KIAA0825: variants seen among roughly 807,000 people sequenced by gnomAD.
The protein encoded by KIAA0825 is uncharacterized protein KIAA0825.
In KIAA0825, 119 loss-of-function variants were observed where a neutral mutation model predicts 147.6. That is an observed-to-expected ratio of 0.81 (90% CI 0.69 to 0.94). The LOEUF (loss-of-function observed/expected upper bound fraction) is 0.94, where lower values mean the gene tolerates loss of function less well. KIAA0825 is among the 40% of genes least tolerant of loss of function. The probability of loss-of-function intolerance (pLI) is 0.00; values close to 1 mark genes in which losing one functional copy is unlikely to be tolerated. For synonymous variants in KIAA0825, 470 were observed against 518.1 expected (o/e 0.91, Z 1.26); for missense variants, 1,381 against 1,472.7 (o/e 0.94, Z 1.02).
chr5:94,569,544 C>A, intron 2 of KIAA0825: 1 of 409,574 alleles, frequency 2.4e-6, no homozygotes. Flanking sequence ...ACACTAATGA[C>A]CCCAACACGC....
At chr5:94,315,267 G>C (rs1220232828) in intron 20 of KIAA0825, among the ~76,000 whole-genome samples, 2 of 151,568 alleles carry the variant, frequency 1.3e-5, no homozygotes, top group Non-Finnish European at 3.0e-5. Context: ...AATGACTTTT[G>C]TTCTTAGGAT....
At chr5:94,497,404 T>C (rs1209850910) in intron 5 of KIAA0825, among the ~76,000 whole-genome samples, 2 of 152,184 alleles carry the variant, frequency 1.3e-5, no homozygotes, top group Non-Finnish European at 2.9e-5. Flanking sequence ...AATAATTATA[T>C]AATGCTTACT....
At chr5:94,546,071 A>G (rs1051822089) in intron 2 of KIAA0825, among the ~76,000 whole-genome samples, 2 of 152,174 alleles carry the variant, frequency 1.3e-5, no homozygotes, top group Non-Finnish European at 2.9e-5. Context: ...CATTGGCTGT[A>G]GCCTGGCAAT....
chr5:94,581,176 A>G (rs73132683), intron 2 of KIAA0825, among the ~76,000 whole-genome samples: 11,606 of 152,238 alleles, frequency 0.076, 488 homozygotes, highest in South Asian at 0.11. Flanking sequence ...AGGTGATAAC[A>G]CCAACAAGAT....
chr5:94,617,928 G>C (rs1791008818), intron 1 of KIAA0825: 1 of 152,184 alleles, frequency 6.6e-6, no homozygotes, highest in South Asian at 2.1e-4. Flanking sequence ...TAATGCCCAA[G>C]CATGAAATTA....
chr5:94,191,455 T>C (rs1243320941), intron 20 of KIAA0825, among the ~76,000 whole-genome samples: 1 of 152,150 alleles, frequency 6.6e-6, no homozygotes, highest in African/African-American at 2.4e-5. Flanking sequence ...GAAAGGTAAA[T>C]TATAAAAGTA....
intron 14 of KIAA0825, among the ~76,000 whole-genome samples, chr5:94,430,814 T>G (rs1755562173): frequency 6.6e-6 from 1 of 152,200 alleles, no homozygotes; most frequent in South Asian, 2.1e-4. Flanking sequence ...TTAGATTTGA[T>G]TCAATGCAGG....
intron 5 of KIAA0825, among the ~76,000 whole-genome samples, chr5:94,516,263 T>TG (rs968202254): frequency 6.6e-6 from 1 of 152,170 alleles, no homozygotes; most frequent in African/African-American, 2.4e-5. Context: ...GAATGCACTG[T>TG]GGGGTGCCCA....
intron 5 of KIAA0825, 151 bp downstream of exon 5, chr5:94,520,097 G>T: frequency 8.7e-7 from 1 of 1,152,886 alleles, no homozygotes; most frequent in Non-Finnish European, 1.1e-6. Flanking sequence ...AGAAAAAAAT[G>T]CATGAGAAAT....
intron 2 of KIAA0825, among the ~76,000 whole-genome samples, chr5:94,557,204 C>G (rs899024422): frequency 6.6e-6 from 1 of 152,134 alleles, no homozygotes; most frequent in Non-Finnish European, 1.5e-5. Context: ...GCCTTGACCT[C>G]CTGGGCCAAG....
intron 20 of KIAA0825, among the ~76,000 whole-genome samples, chr5:94,299,561 C>G (rs1451825996): frequency 6.6e-6 from 1 of 152,078 alleles, no homozygotes; most frequent in Admixed American, 6.6e-5. Flanking sequence ...CTTCTTGTTT[C>G]AGGTTAACAT....
chr5:94,291,906 T>C (rs1266729255), intron 20 of KIAA0825, among the ~76,000 whole-genome samples: 1 of 152,208 alleles, frequency 6.6e-6, no homozygotes, highest in Non-Finnish European at 1.5e-5. Context: ...GATTTGGCTC[T>C]CTGTTTGTTT....
rs535123488 is a variant in KIAA0825, at chr5:94,285,853, T to C, written c.3710+98515A>G. On this transcript the variant is annotated intron_variant, in intron 20 of 20. Transcript: ENST00000682413. ...GCTTAAGCTTCTTAAACACAGCACATACAGCCACGGCCAGGAAAAATAAAA... is the reference window on the plus strand; with the variant it reads ...GCTTAAGCTTCTTAAACACAGCACACACAGCCACGGCCAGGAAAAATAAAA... Among the ~76,000 whole-genome samples the C allele has an allele frequency of 2.0e-5, 3 of 152,172 alleles. No individual in the cohort carries two copies. The South Asian group carries it at 6.2e-4, about 32-fold the overall frequency.
At chr5:94,443,621 A>G (rs542944236) in intron 13 of KIAA0825, among the ~76,000 whole-genome samples, 133 of 152,280 alleles carry the variant, frequency 8.7e-4, no homozygotes, top group Non-Finnish European at 1.6e-3. Flanking sequence ...GAAACTATTA[A>G]ACTATTTTTA....
intron 20 of KIAA0825, among the ~76,000 whole-genome samples, chr5:94,258,205 A>G (rs1240238469): frequency 1.3e-5 from 2 of 152,184 alleles, no homozygotes; most frequent in East Asian, 3.9e-4. Context: ...GTCACAAAAA[A>G]GTTTTTAATT....
At chr5:94,584,797 CA>C (rs1782939149) in intron 1 of KIAA0825, among the ~76,000 whole-genome samples, 3 of 152,164 alleles carry the variant, frequency 2.0e-5, no homozygotes, top group Admixed American at 2.0e-4. Flanking sequence ...AGAGAAAGGT[CA>C]TGTTACCCAC....
intron 6 of KIAA0825, among the ~76,000 whole-genome samples, chr5:94,481,701 C>T (rs958458648): frequency 6.6e-6 from 1 of 152,038 alleles, no homozygotes; most frequent in Non-Finnish European, 1.5e-5. Flanking sequence ...AATCCCTTAA[C>T]CATCTAGCTA....
intron 1 of KIAA0825, among the ~76,000 whole-genome samples, chr5:94,590,024 C>CT (rs1381637335): frequency 6.6e-6 from 1 of 152,038 alleles, no homozygotes; most frequent in Admixed American, 6.6e-5. Context: ...GAGTCTCACT[C>CT]TGTCACCCAG....
chr5:94,430,699 AC>A (rs1234123517), intron 14 of KIAA0825, among the ~76,000 whole-genome samples: 2 of 152,252 alleles, frequency 1.3e-5, no homozygotes, highest in Admixed American at 1.3e-4. Flanking sequence ...TGCTAGAAGC[AC>A]ATTAACTACT....
Sources: allele counts gnomAD v4.1 joint callset (sites outside exome capture counted in the v4.1 genomes callset), GRCh38; gene constraint gnomAD v4.1.1; transcripts MANE v1.5; gene names NCBI Gene and HGNC (gene_info 2026-07-23, HGNC 2026-07-21).